CREB5: variants seen among roughly 807,000 people sequenced by gnomAD.
The protein encoded by CREB5 is cAMP responsive element binding protein 5, also known as cyclic AMP-responsive element-binding protein 5.
Under a neutral mutation model 57.1 loss-of-function variants are expected in CREB5, and 19 were observed. The ratio of observed to expected loss-of-function variants is 0.33; its 90% CI spans 0.23 to 0.49. The LOEUF (loss-of-function observed/expected upper bound fraction) is 0.49. Ranked by LOEUF, CREB5 falls within the 20% of genes least tolerant of loss-of-function variation. CREB5 has a pLI of 0.99. For missense variants in CREB5, 579 were observed against 671.6 expected, an observed-to-expected ratio of 0.86 and a Z score of 1.52; for synonymous variants, 238 against 238.3, an observed-to-expected ratio of 1.00 and a Z score of 0.01.
chr7:28,639,008 A>G (rs75994550), intron 5 of CREB5, among the ~76,000 whole-genome samples: 14,011 of 152,266 alleles, frequency 0.092, 790 homozygotes, highest in East Asian at 0.15. Context: ...ACAATTTAAA[A>G]AAGTCTTTTT....
chr7:28,488,863 A>G (rs112966982), intron 2 of CREB5, among the ~76,000 whole-genome samples: 2 of 152,204 alleles, frequency 1.3e-5, no homozygotes, highest in Non-Finnish European at 2.9e-5. Context: ...AGTGTTTAAC[A>G]TAGGGTCTGC....
intron 5 of CREB5, among the ~76,000 whole-genome samples, chr7:28,596,210 C>T (rs6979922): frequency 0.087 from 13,214 of 152,180 alleles, 655 homozygotes; most frequent in Non-Finnish European, 0.11. Flanking sequence ...TCAATTATGA[C>T]GAGTACTCTC....
chr7:28,410,348 T>C (rs1787728791), upstream of CREB5: 1 of 456,546 alleles, frequency 2.2e-6, no homozygotes, highest in African/African-American at 2.0e-5. Context: ...GCTCGAGCTT[T>C]GGCGGCGCCC....
intron 1 of CREB5, among the ~76,000 whole-genome samples, chr7:28,336,772 C>T (rs1489501718): frequency 6.6e-6 from 1 of 151,648 alleles, no homozygotes; most frequent in Non-Finnish European, 1.5e-5. Context: ...AGTTCTTCAA[C>T]ATGAATTGTT....
chr7:28,525,434 A>G (rs887907316), intron 4 of CREB5, among the ~76,000 whole-genome samples: 1 of 152,118 alleles, frequency 6.6e-6, no homozygotes, highest in East Asian at 1.9e-4. Context: ...GCTAGCTTAC[A>G]TTCCCACCAA....
intron 4 of CREB5, among the ~76,000 whole-genome samples, chr7:28,516,669 G>A (rs1013463000): frequency 1.1e-4 from 17 of 152,212 alleles, no homozygotes; most frequent in Middle Eastern, 3.4e-3. Context: ...AGGAAGCTCC[G>A]CCTTAAGGTC....
chr7:28,550,554 C>T (rs145528424), intron 4 of CREB5, among the ~76,000 whole-genome samples: 13 of 152,266 alleles, frequency 8.5e-5, no homozygotes, highest in African/African-American at 2.2e-4. Flanking sequence ...CTCTCTTCCC[C>T]GACTACTTTC....
chr7:28,382,761 A>G (rs1191136898), intron 1 of CREB5, among the ~76,000 whole-genome samples: 1 of 151,750 alleles, frequency 6.6e-6, no homozygotes, highest in Non-Finnish European at 1.5e-5. Context: ...ACCCCCATCA[A>G]ACCACATACT....
At chr7:28,678,791 TA>T (rs1377748009) in intron 5 of CREB5, among the ~76,000 whole-genome samples, 3 of 152,104 alleles carry the variant, frequency 2.0e-5, no homozygotes, top group Non-Finnish European at 4.4e-5. Context: ...GTTTGGGGTT[TA>T]AAAAAAATTC....
At chr7:28,560,975 TGTGTGC>T (rs1562798225) in intron 4 of CREB5, among the ~76,000 whole-genome samples, 10 of 23,438 alleles carry the variant, frequency 4.3e-4, no homozygotes, top group South Asian at 2.8e-3. Context: ...TGTGTGTGCG[TGTGTGC>T]GTGCGTGTGT....
intron 5 of CREB5, among the ~76,000 whole-genome samples, chr7:28,628,261 C>G (rs1332782695): frequency 1.3e-5 from 2 of 152,022 alleles, no homozygotes; most frequent in East Asian, 3.9e-4. Flanking sequence ...ATTTGTAGCA[C>G]AAATGATAAG....
intron 5 of CREB5, among the ~76,000 whole-genome samples, chr7:28,622,883 A>G (rs1011007472): frequency 6.6e-6 from 1 of 152,136 alleles, no homozygotes; most frequent in Non-Finnish European, 1.5e-5. Flanking sequence ...ATAATTTTAA[A>G]AATACTCCCA....
chr7:28,474,212 A>G (rs1360491025), intron 1 of CREB5, among the ~76,000 whole-genome samples: 2 of 152,170 alleles, frequency 1.3e-5, no homozygotes, highest in African/African-American at 4.8e-5. Context: ...GATTTCAGGA[A>G]TGGCTTGGGA....
In CREB5 at chr7:28,718,756, T is replaced by C; in HGVS notation, c.468T>C (p.Pro156=). ...QAPSTNRQIG[P]VPGSLSSLLH... ...TTTGTTTTTTTCTTTGTCCCAGGCC[T>C]GTCCCAGGCTCTCTATCTTCTCTGC... Residue 156 remains proline, a synonymous_variant, in exon 6 of 11, where the codon CCT becomes CCC. Coordinates refer to ENST00000357727, the MANE Select transcript of CREB5 (RefSeq NM_182898.4). The C allele has an allele frequency of 1.9e-6, 3 of 1,613,878 alleles. No homozygotes were observed. In the South Asian group the frequency reaches 3.3e-5, roughly 18 times the overall value.
At chr7:28,701,021 G>C (rs1801832023) in intron 5 of CREB5, among the ~76,000 whole-genome samples, 1 of 151,062 alleles carries the variant, frequency 6.6e-6, no homozygotes. Flanking sequence ...TATATGTGGA[G>C]ACCCATATAA....
At chr7:28,764,855 A>G (rs973042005) in intron 7 of CREB5, among the ~76,000 whole-genome samples, 1 of 152,216 alleles carries the variant, frequency 6.6e-6, no homozygotes, top group Non-Finnish European at 1.5e-5. Context: ...AATGAGATTT[A>G]GAAGGGTCAC....
At chr7:28,561,989 G>C (rs1157992809) in intron 4 of CREB5, among the ~76,000 whole-genome samples, 1 of 152,118 alleles carries the variant, frequency 6.6e-6, no homozygotes, top group Non-Finnish European at 1.5e-5. Context: ...CAGGTGATCC[G>C]ACTGCCTTGG....
At position 28,450,434 on chromosome 7, in the gene CREB5, A is replaced by T. The variant is rs532608747; in HGVS notation, c.3+37517A>T. On this transcript the variant is annotated intron_variant, in intron 1 of 10. Transcript: ENST00000357727. ...ACTGCCATTTGGATGCTTGACTCGCATATGATGCAAAATATTGAAATAGAT... is the reference window on the plus strand; with the variant it reads ...ACTGCCATTTGGATGCTTGACTCGCTTATGATGCAAAATATTGAAATAGAT... Among the ~76,000 whole-genome samples the T allele has an allele frequency of 4.6e-5, 7 of 152,368 alleles. No homozygotes were observed. In the East Asian group the frequency reaches 1.2e-3, roughly 25 times the overall value.
intron 8 of CREB5, among the ~76,000 whole-genome samples, chr7:28,805,517 C>T (rs1299416867): frequency 6.6e-6 from 1 of 152,170 alleles, no homozygotes; most frequent in East Asian, 1.9e-4. Context: ...CTGTCATCTG[C>T]CTCTGGAGAC....
Sources: allele counts gnomAD v4.1 joint callset (sites outside exome capture counted in the v4.1 genomes callset), GRCh38; gene constraint gnomAD v4.1.1; transcripts MANE v1.5; gene names NCBI Gene and HGNC (gene_info 2026-07-23, HGNC 2026-07-21).